The following RIF1 variants were observed in gnomAD, a reference collection of about 807,000 sequenced individuals.
RIF1 encodes telomere-associated protein RIF1.
Under a neutral mutation model 247.1 loss-of-function variants are expected in RIF1, and 45 were observed. The ratio of observed to expected loss-of-function variants is 0.18; its 90% CI spans 0.14 to 0.23. The LOEUF (loss-of-function observed/expected upper bound fraction) is 0.23. Ranked by LOEUF, RIF1 falls within the 10% of genes least tolerant of loss-of-function variation. RIF1 has a pLI of 1.00. For missense variants in RIF1, 2,967 were observed against 2,862.5 expected, an observed-to-expected ratio of 1.04 and a Z score of -0.83; for synonymous variants, 1,087 against 978.8, an observed-to-expected ratio of 1.11 and a Z score of -2.06.
At chr2:151,426,734 C>T (rs1031185594) in intron 8 of RIF1, among the ~76,000 whole-genome samples, 1 of 151,740 alleles carries the variant, frequency 6.6e-6, no homozygotes, top group African/African-American at 2.4e-5. Context: ...GCAACCTCAG[C>T]CTCCCGGGTT....
In RIF1 at chr2:151,506,393, G is replaced by A. The variant is rs1041809616; in HGVS notation, c.*1027+18G>A. 3.9e-5 allele frequency: 26 copies of A among 659,984 alleles called. 1 individual carries two copies. Among genetic ancestry groups the A allele is most frequent in the Admixed American group, 2.6e-4 (10 of 38,416 alleles). 40.9% of individuals were successfully genotyped at this position (659,984 alleles called of 1,614,324 possible). On this transcript the variant is annotated intron_variant and NMD_transcript_variant, in intron 13 of 13. Transcript: ENST00000454583. Reference sequence around the variant, plus strand: ...GTTCCCAGGCAAGTGCCAGAGCATCGCACCTGACATTTCCATGTCAGTATC... The same window carrying A: ...GTTCCCAGGCAAGTGCCAGAGCATCACACCTGACATTTCCATGTCAGTATC...
chr2:151,448,940 C>G (rs532374592), intron 20 of RIF1, among the ~76,000 whole-genome samples: 1 of 152,290 alleles, frequency 6.6e-6, no homozygotes, highest in East Asian at 1.9e-4. Flanking sequence ...TGGAGTCTGT[C>G]AAATTTCACA....
intron 8 of RIF1, among the ~76,000 whole-genome samples, chr2:151,427,270 A>T (rs1689268156): frequency 6.6e-6 from 1 of 150,810 alleles, no homozygotes; most frequent in Admixed American, 6.6e-5. Context: ...TGGAGTGCAA[A>T]CATGATCTCG....
intron 21 of RIF1, among the ~76,000 whole-genome samples, chr2:151,451,930 C>G (rs1694381648): frequency 6.6e-6 from 1 of 152,070 alleles, no homozygotes; most frequent in South Asian, 2.1e-4. Flanking sequence ...CACAAAATTT[C>G]TTTACTCCTT....
At chr2:151,442,355 G>A (rs1228128359) in intron 16 of RIF1, among the ~76,000 whole-genome samples, 2 of 148,184 alleles carry the variant, frequency 1.3e-5, no homozygotes, top group Non-Finnish European at 3.0e-5. Flanking sequence ...TTACAGGTGT[G>A]AGCCACTGTG....
At chr2:151,440,554 G>T (rs557076035) in intron 15 of RIF1, among the ~76,000 whole-genome samples, 90 of 152,062 alleles carry the variant, frequency 5.9e-4, no homozygotes, top group Non-Finnish European at 2.9e-4. Flanking sequence ...TGTAGTACAG[G>T]AAGAAAAGTG....
At chr2:151,443,795 T>C in intron 18 of RIF1, 86 bp downstream of exon 18, 2 of 778,938 alleles carry the variant, frequency 2.6e-6, no homozygotes, top group African/African-American at 3.6e-5. Flanking sequence ...AAGTTTGAAT[T>C]TGAATAGAAG....
intron 10 of RIF1, among the ~76,000 whole-genome samples, chr2:151,433,458 T>G (rs1276266224): frequency 2.0e-5 from 3 of 152,140 alleles, no homozygotes; most frequent in Admixed American, 6.5e-5. Context: ...TATTTATTAT[T>G]AATTTATTTA....
At chr2:151,528,258 T>C in the RIF1 span, among the ~76,000 whole-genome samples, 17 of 152,226 alleles carry the variant, frequency 1.1e-4, no homozygotes, top group Non-Finnish European at 2.2e-4. Flanking sequence ...TTGAGTGTCC[T>C]TGGGAGGAGC....
Position 151,468,143 on chromosome 2 carries a change from T to C in RIF1, c.6744T>C (p.Ser2248=), listed in dbSNP as rs1216678975. 6.2e-7 allele frequency: 1 copy of C among 1,609,250 alleles called. No individual in the cohort carries two copies. Residue 2248 remains serine (S), a synonymous_variant, in exon 31 of 36, where the codon TCT becomes TCC. Transcript: ENST00000444746. ...KSVKTSPTTQ[S]KHNTTSAKGF... is the part of the protein sequence containing the mutation. ...TTAAAACTTCTCCTACTACACAATC[T>C]AAGGTAAGCTATAGGCTTTAAAATA...
downstream of RIF1, among the ~76,000 whole-genome samples, chr2:151,482,601 T>A (rs1252843462): frequency 3.3e-5 from 5 of 152,116 alleles, no homozygotes; most frequent in African/African-American, 1.2e-4. Context: ...CAACATGACC[T>A]TAACTTCCTC....
Position 151,437,322 on chromosome 2 carries a change from G to T in RIF1, c.1454G>T (p.Ser485Ile). The T allele has an allele frequency of 1.2e-5, 19 of 1,613,258 alleles. No homozygotes were observed. Among genetic ancestry groups the T allele is most frequent in the Non-Finnish European group, 1.6e-5 (19 of 1,179,484 alleles). ...ANTLITAVHD[S>I]FVAVGKDAPD... ...ACACTTATCACTGCTGTTCATGATAGCTTTGTTGCAGTTGGAAAAGATGCC... is the reference window on the plus strand; with the variant it reads ...ACACTTATCACTGCTGTTCATGATATCTTTGTTGCAGTTGGAAAAGATGCC... Residue 485 changes from serine to isoleucine, a missense_variant, in exon 13 of 36, where the codon AGC becomes ATC. This residue lies in a region of RIF1 where 369 missense variants were observed against 322.0 expected (regional missense o/e 1.15). Transcript: ENST00000444746.
chr2:151,426,168 A>ATTTTTTTTTTTTTTTT lies in RIF1; in HGVS notation c.787-2607_787-2592dup, dbSNP rs35001554. 1.6e-3 allele frequency among the ~76,000 whole-genome samples: 93 copies of ATTTTTTTTTTTTTTTT among 58,212 alleles called. 17 individuals carry two copies. The highest frequency in any genetic ancestry group is 6.1e-3 in the East Asian group (9 of 1,470). 38.2% of individuals were successfully genotyped at this position (58,212 alleles called of 152,430 possible). A position where few individuals can be genotyped will look rare whatever the true frequency, so the allele number is the denominator to read the frequency against. On this transcript the variant is annotated intron_variant, in intron 8 of 35. Coordinates refer to ENST00000444746, the MANE Select transcript of RIF1 (RefSeq NM_018151.5). ...TTTTTCAGGATTGTTTTGGCTTTTAATTTTTTTTTTTTTTTTTTTTTTTTG... is the reference window on the plus strand; with the variant it reads ...TTTTTCAGGATTGTTTTGGCTTTTAATTTTTTTTTTTTTTTTTTTTTTTTTTTTTTTTTTTTTTTTG...
Position 151,490,486 on chromosome 2 carries a change from G to A in RIF1, c.*416-4743G>A, listed in dbSNP as rs747179265. 2.5e-6 allele frequency: 4 copies of A among 1,609,356 alleles called. No homozygotes were observed. Among genetic ancestry groups the A allele is most frequent in the South Asian group, 2.2e-5 (2 of 89,644 alleles). The stretch of plus-strand genomic sequence containing the variant: ...CTGATGCTTAGTGCACTGGCAGATC[G>A]TGACTGCTCCCGGCTCCGGCGCTGA... On this transcript the variant is annotated intron_variant and NMD_transcript_variant, in intron 9 of 13. Transcript: ENST00000454583.
At chr2:151,507,410 T>C (rs907776352) in intron 13 of RIF1, among the ~76,000 whole-genome samples, 2 of 152,286 alleles carry the variant, frequency 1.3e-5, no homozygotes, top group East Asian at 1.9e-4. Flanking sequence ...TTTCTGGCCT[T>C]CTCTGTTTTT....
chr2:151,437,358 G>C lies in RIF1; in HGVS notation c.1483+7G>C. The C allele has an allele frequency of 6.3e-7, 1 of 1,590,808 alleles. No individual in the cohort carries two copies. Reference sequence around the variant, plus strand: ...GTTGGAAAAGATGCCCCCGGTAAGAGAATTTGATTTATTATTTGCTCAAAT... The same window carrying C: ...GTTGGAAAAGATGCCCCCGGTAAGACAATTTGATTTATTATTTGCTCAAAT... On this transcript the variant is annotated splice_region_variant and intron_variant, in intron 13 of 35. Transcript: ENST00000444746.
chr2:151,423,090 CTTTAT>C (rs1688443375), intron 8 of RIF1, 48 bp downstream of exon 8: 3 of 965,676 alleles, frequency 3.1e-6, no homozygotes, highest in African/African-American at 1.6e-5. Flanking sequence ...ATGCTGGACT[CTTTAT>C]TTTCTTACCT....
At chr2:151,437,891 A>C (rs1252550202) in intron 13 of RIF1, among the ~76,000 whole-genome samples, 1 of 152,204 alleles carries the variant, frequency 6.6e-6, no homozygotes, top group African/African-American at 2.4e-5. Flanking sequence ...GTACCGTGTC[A>C]AGCTCTATGG....
At chr2:151,425,833 AT>A (rs975705164) in intron 8 of RIF1, among the ~76,000 whole-genome samples, 22 of 146,302 alleles carry the variant, frequency 1.5e-4, no homozygotes, top group African/African-American at 2.3e-4. Context: ...TGCTCGGCAC[AT>A]TTTTTTTTTC....
Sources: allele counts gnomAD v4.1 joint callset (sites outside exome capture counted in the v4.1 genomes callset), GRCh38; gene constraint gnomAD v4.1.1; regional missense constraint gnomAD v4.1.1; transcripts MANE v1.5; gene names NCBI Gene and HGNC (gene_info 2026-07-23, HGNC 2026-07-21).